The following ZMAT4 variants were observed in gnomAD, a reference collection of about 807,000 sequenced individuals.
The protein encoded by ZMAT4 is zinc finger matrin-type protein 4.
ZMAT4 carries 17 observed loss-of-function variants against 28.7 expected under a neutral mutation model. That is an observed-to-expected ratio of 0.59 (90% CI 0.41 to 0.89). The LOEUF (loss-of-function observed/expected upper bound fraction) is 0.89. Among genes scored for constraint, ZMAT4 ranks in the 40% least tolerant of loss-of-function variants. ZMAT4 has a pLI of 0.00. For missense variants in ZMAT4, 240 were observed against 283.8 expected, an observed-to-expected ratio of 0.85 and a Z score of 1.11; for synonymous variants, 117 against 109.2, an observed-to-expected ratio of 1.07 and a Z score of -0.44.
chr8:40,890,247 C>T (rs1482045425), intron 1 of ZMAT4, among the ~76,000 whole-genome samples: 1 of 152,230 alleles, frequency 6.6e-6, no homozygotes, highest in Admixed American at 6.5e-5. Flanking sequence ...CCCCACGTCT[C>T]ACGAACACCT....
intron 1 of ZMAT4, among the ~76,000 whole-genome samples, chr8:40,885,618 G>A (rs962620119): frequency 6.6e-6 from 1 of 152,158 alleles, no homozygotes; most frequent in Non-Finnish European, 1.5e-5. Flanking sequence ...TCGAACTCCT[G>A]GCCTCAAGTG....
chr8:40,826,776 G>A (rs1027540017), intron 1 of ZMAT4, among the ~76,000 whole-genome samples: 8 of 152,144 alleles, frequency 5.3e-5, no homozygotes, highest in African/African-American at 1.9e-4. Context: ...TTCCAAACCC[G>A]GAATCAAAAT....
chr8:40,594,072 A>G (rs1805000739), intron 5 of ZMAT4, among the ~76,000 whole-genome samples: 1 of 152,156 alleles, frequency 6.6e-6, no homozygotes, highest in African/African-American at 2.4e-5. Flanking sequence ...AGTTTCATAG[A>G]CAGTGGCCCC....
chr8:40,895,320 G>A (rs1048197366), intron 1 of ZMAT4, among the ~76,000 whole-genome samples: 1 of 152,178 alleles, frequency 6.6e-6, no homozygotes, highest in Non-Finnish European at 1.5e-5. Flanking sequence ...AAACAGGCAC[G>A]CAGCTTCACA....
intron 6 of ZMAT4, among the ~76,000 whole-genome samples, chr8:40,543,334 C>A (rs1356602671): frequency 6.6e-6 from 1 of 152,124 alleles, no homozygotes; most frequent in Non-Finnish European, 1.5e-5. Context: ...CCCAGGGCAT[C>A]CAGGTCTGGA....
chr8:40,744,140 C>T (rs946306303), intron 3 of ZMAT4, among the ~76,000 whole-genome samples: 6 of 152,168 alleles, frequency 3.9e-5, no homozygotes, highest in African/African-American at 1.4e-4. Context: ...TATGACAAGT[C>T]CCCTCCGTGG....
chr8:40,537,494 C>T (rs1307441624), intron 6 of ZMAT4, among the ~76,000 whole-genome samples: 1 of 152,164 alleles, frequency 6.6e-6, no homozygotes, highest in African/African-American at 2.4e-5. Context: ...TACATATACA[C>T]TAGCAAAATT....
At chr8:40,538,782 C>G (rs1179766823) in intron 6 of ZMAT4, among the ~76,000 whole-genome samples, 1 of 151,764 alleles carries the variant, frequency 6.6e-6, no homozygotes, top group East Asian at 1.9e-4. Flanking sequence ...ATTTTTCTTT[C>G]TCTTTTTTTT....
intron 5 of ZMAT4, among the ~76,000 whole-genome samples, chr8:40,621,445 T>G (rs75417888): frequency 1.0e-3 from 154 of 152,298 alleles, no homozygotes; most frequent in African/African-American, 3.6e-3. Context: ...AAAATGATCA[T>G]GTCTGAGCAG....
At chr8:40,588,472 A>G (rs1459784843) in intron 5 of ZMAT4, among the ~76,000 whole-genome samples, 2 of 152,184 alleles carry the variant, frequency 1.3e-5, no homozygotes, top group Non-Finnish European at 1.5e-5. Context: ...ATAATTTATT[A>G]CATGTATCAT....
At chr8:40,801,351 A>AAATATATATAT (rs370796453) in intron 2 of ZMAT4, among the ~76,000 whole-genome samples, 2 of 97,258 alleles carry the variant, frequency 2.1e-5, no homozygotes, top group African/African-American at 7.4e-5. Context: ...TAAAAAAAAA[A>AAATATATATAT]ATATATATAT....
intron 1 of ZMAT4, among the ~76,000 whole-genome samples, chr8:40,844,009 A>T (rs145355464): frequency 1.3e-5 from 2 of 152,304 alleles, no homozygotes; most frequent in Non-Finnish European, 2.9e-5. Flanking sequence ...GAAATGGAAC[A>T]ATTCAGCAAA....
chr8:40,729,706 C>T (rs1811456938), intron 3 of ZMAT4, among the ~76,000 whole-genome samples: 1 of 151,274 alleles, frequency 6.6e-6, no homozygotes, highest in African/African-American at 2.4e-5. Flanking sequence ...GTAAATGATT[C>T]TCCTGCCTCA....
At chr8:40,554,654 C>T (rs553715442) in intron 6 of ZMAT4, among the ~76,000 whole-genome samples, 2 of 151,640 alleles carry the variant, frequency 1.3e-5, no homozygotes, top group Non-Finnish European at 2.9e-5. Context: ...TTCTCAAATA[C>T]TTCTTTTCTC....
At chr8:40,694,585 A>C (rs1486991277) in intron 4 of ZMAT4, among the ~76,000 whole-genome samples, 1 of 152,028 alleles carries the variant, frequency 6.6e-6, no homozygotes, top group African/African-American at 2.4e-5. Flanking sequence ...CCATCCTCCT[A>C]TCAGGCCTTC....
chr8:40,760,993 C>T lies in ZMAT4; in HGVS notation c.192+6648G>A, dbSNP rs187505723. ...TTGTCCTCCCAAGAAATTGCTAGTT[C>T]GGAAATTAACAAAAGGAAGCTGAAG... On this transcript the variant is annotated intron_variant, in intron 3 of 6. Coordinates refer to ENST00000297737, the MANE Select transcript of ZMAT4 (RefSeq NM_024645.3). Among the ~76,000 whole-genome samples, 249 of 149,582 alleles carry T rather than the reference C, an allele frequency of 1.7e-3. 1 individual carries two copies. Among genetic ancestry groups the T allele is most frequent in the African/African-American group, 5.6e-3 (226 of 40,570 alleles).
At chr8:40,872,874 G>A (rs1586200906) in intron 1 of ZMAT4, among the ~76,000 whole-genome samples, 2 of 152,092 alleles carry the variant, frequency 1.3e-5, no homozygotes, top group East Asian at 3.9e-4. Flanking sequence ...AGGGAAAGAA[G>A]TGCTATTCCA....
chr8:40,847,645 C>A (rs993169801), intron 1 of ZMAT4, among the ~76,000 whole-genome samples: 8 of 152,188 alleles, frequency 5.3e-5, no homozygotes, highest in Non-Finnish European at 2.9e-5. Context: ...AGGCAGCCAG[C>A]AGAGCTTGCA....
intron 3 of ZMAT4, among the ~76,000 whole-genome samples, chr8:40,718,569 G>C (rs1304907231): frequency 2.0e-5 from 3 of 152,116 alleles, no homozygotes; most frequent in Admixed American, 1.3e-4. Context: ...GGCAAAGGTG[G>C]AGGAAAAACA....
Sources: gnomAD v4.1 joint callset for allele counts (sites outside exome capture counted in the v4.1 genomes callset) on GRCh38, gnomAD v4.1.1 for gene constraint, MANE v1.5 for transcripts, NCBI Gene and HGNC (gene_info 2026-07-23, HGNC 2026-07-21) for gene names.